The following NAV2 variants were observed in gnomAD, a reference collection of about 807,000 sequenced individuals.
The protein encoded by NAV2 is neuron navigator 2, also known as helicase, APC down-regulated 1.
Under a neutral mutation model 223.2 loss-of-function variants are expected in NAV2, and 54 were observed. That is an observed-to-expected ratio of 0.24 (90% CI 0.19 to 0.30). NAV2 has a LOEUF of 0.30. Ranked by LOEUF, NAV2 falls within the 10% of genes least tolerant of loss-of-function variation. The pLI, the probability that NAV2 is intolerant of heterozygous loss-of-function variation, is 1.00. For missense variants in NAV2, 2,806 were observed against 3,147.5 expected (o/e 0.89, Z 2.60); for synonymous variants, 1,279 against 1,239.3 (o/e 1.03, Z -0.67).
At chr11:19,487,769 C>T (rs1364789324) in intron 1 of NAV2, among the ~76,000 whole-genome samples, 2 of 152,220 alleles carry the variant, frequency 1.3e-5, no homozygotes, top group African/African-American at 4.8e-5. Context: ...TTAGATGCAT[C>T]CACTTATAAT....
chr11:19,805,823 A>G (rs180681017), intron 1 of NAV2, among the ~76,000 whole-genome samples: 2 of 152,304 alleles, frequency 1.3e-5, no homozygotes, highest in Non-Finnish European at 2.9e-5. Flanking sequence ...TCACATCTCC[A>G]TTTCACAGAA....
chr11:19,792,147 C>CT (rs1403479922), intron 1 of NAV2, among the ~76,000 whole-genome samples: 1 of 152,206 alleles, frequency 6.6e-6, no homozygotes, highest in African/African-American at 2.4e-5. Flanking sequence ...AATTTAGAGA[C>CT]TGACAGGAGA....
At chr11:19,904,033 G>A (rs978430273) in intron 6 of NAV2, among the ~76,000 whole-genome samples, 1 of 152,174 alleles carries the variant, frequency 6.6e-6, no homozygotes, top group Admixed American at 6.5e-5. Flanking sequence ...GCCAGCTGGT[G>A]GATTCAAGGA....
intron 1 of NAV2, among the ~76,000 whole-genome samples, chr11:19,598,098 C>T (rs1158049226): frequency 6.6e-6 from 1 of 152,250 alleles, no homozygotes. Flanking sequence ...GATGCCGCCG[C>T]CCCCTGACAG....
intron 4 of NAV2, 70 bp from the exon 5 acceptor site, chr11:19,879,799 C>T (rs1401259542): frequency 8.2e-6 from 13 of 1,576,406 alleles, no homozygotes; most frequent in East Asian, 6.7e-5. Flanking sequence ...ACTCACGTGC[C>T]GACTGAAACA....
At chr11:19,706,227 T>C (rs1224261081) in intron 1 of NAV2, among the ~76,000 whole-genome samples, 1 of 152,244 alleles carries the variant, frequency 6.6e-6, no homozygotes, top group African/African-American at 2.4e-5. Flanking sequence ...TAGCCATTGT[T>C]TTATTGAATA....
intron 2 of NAV2, among the ~76,000 whole-genome samples, chr11:19,837,789 C>T (rs116587684): frequency 1.1e-3 from 166 of 152,290 alleles, no homozygotes; most frequent in African/African-American, 3.8e-3. Context: ...AAATGTACTA[C>T]GTGATCCTGA....
intron 1 of NAV2, among the ~76,000 whole-genome samples, chr11:19,565,735 G>A (rs563336558): frequency 9.2e-5 from 14 of 152,230 alleles, no homozygotes; most frequent in African/African-American, 3.4e-4. Context: ...AATAAACCAT[G>A]TCTGTGTGCA....
chr11:19,969,209 G>A (rs546974162), intron 10 of NAV2, among the ~76,000 whole-genome samples: 1 of 152,314 alleles, frequency 6.6e-6, no homozygotes, highest in Non-Finnish European at 1.5e-5. Flanking sequence ...CAAATACAAT[G>A]GGAAATTTGG....
intron 1 of NAV2, among the ~76,000 whole-genome samples, chr11:19,748,277 T>C (rs2053538245): frequency 6.6e-6 from 1 of 152,164 alleles, no homozygotes; most frequent in Non-Finnish European, 1.5e-5. Context: ...TTTTACAAAT[T>C]AGGTAACCAA....
At chr11:19,948,521 TC>T (rs1381143379) in intron 9 of NAV2, among the ~76,000 whole-genome samples, 169 bp from the exon 10 acceptor site, 2 of 152,194 alleles carry the variant, frequency 1.3e-5, no homozygotes, top group Non-Finnish European at 2.9e-5. Flanking sequence ...TGTGTAGCTT[TC>T]CTTTCTCATT....
intron 1 of NAV2, among the ~76,000 whole-genome samples, chr11:19,377,754 A>G (rs926072152): frequency 3.9e-5 from 6 of 152,172 alleles, no homozygotes; most frequent in African/African-American, 1.4e-4. Flanking sequence ...TAGAATATGT[A>G]TTGGGAAGGA....
intron 10 of NAV2, among the ~76,000 whole-genome samples, chr11:19,962,551 A>G (rs188227272): frequency 6.6e-6 from 1 of 152,222 alleles, no homozygotes; most frequent in Non-Finnish European, 1.5e-5. Context: ...AAGCTAACGC[A>G]CCCTGCCTGG....
chr11:19,565,206 G>A (rs1044230023), intron 1 of NAV2, among the ~76,000 whole-genome samples: 6 of 152,116 alleles, frequency 3.9e-5, no homozygotes, highest in Non-Finnish European at 8.8e-5. Context: ...GGGATCCATC[G>A]CTGTCCTTTT....
intron 11 of NAV2, among the ~76,000 whole-genome samples, chr11:20,011,022 C>T (rs1347495208): frequency 6.6e-6 from 1 of 152,196 alleles, no homozygotes. Context: ...TCTCTAGTCT[C>T]TTCCTCTCCG....
intron 1 of NAV2, among the ~76,000 whole-genome samples, chr11:19,722,769 G>A (rs2050859997): frequency 6.6e-6 from 1 of 152,182 alleles, no homozygotes; most frequent in African/African-American, 2.4e-5. Context: ...CTCCCTCTTA[G>A]GATGTGAACT....
intron 4 of NAV2, among the ~76,000 whole-genome samples, chr11:19,869,672 A>T (rs933452037): frequency 6.6e-6 from 1 of 152,154 alleles, no homozygotes; most frequent in African/African-American, 2.4e-5. Flanking sequence ...CAGAGCTGCC[A>T]TAGGCCCAGG....
intron 37 of NAV2, among the ~76,000 whole-genome samples, chr11:20,115,631 CAAA>C (rs386373266): frequency 8.4e-5 from 4 of 47,864 alleles, no homozygotes; most frequent in Admixed American, 3.4e-4. Context: ...GACTCCGTCT[CAAA>C]AAAAAAAAAA....
chr11:19,619,879 T>C (rs1465551164), intron 1 of NAV2, among the ~76,000 whole-genome samples: 3 of 152,200 alleles, frequency 2.0e-5, no homozygotes, highest in African/African-American at 4.8e-5. Flanking sequence ...TCTTCTAGGG[T>C]TTTTATGGTT....
Sources: allele counts gnomAD v4.1 joint callset (sites outside exome capture counted in the v4.1 genomes callset), GRCh38; gene constraint gnomAD v4.1.1; transcripts MANE v1.5; gene names NCBI Gene and HGNC (gene_info 2026-07-23, HGNC 2026-07-21).